The following PLCXD2 variants were observed in gnomAD, a reference collection of about 807,000 sequenced individuals.
PLCXD2 encodes the protein phosphatidylinositol specific phospholipase C X domain containing 2, also known as PI-PLC X domain-containing protein 2.
Under a neutral mutation model 28.6 loss-of-function variants are expected in PLCXD2, and 21 were observed. That is an observed-to-expected ratio of 0.73 (90% confidence interval 0.52 to 1.06). PLCXD2 has a LOEUF of 1.06. Among genes scored for constraint, PLCXD2 ranks in the 50% least tolerant of loss-of-function variants. PLCXD2 has a pLI of 0.00. For synonymous variants in PLCXD2, 140 were observed against 150.1 expected (o/e 0.93, Z 0.49); for missense variants, 369 against 376.7 (o/e 0.98, Z 0.17).
At chr3:111,709,454 ATG>A (rs1265077662) in intron 2 of PLCXD2, among the ~76,000 whole-genome samples, 2 of 134,928 alleles carry the variant, frequency 1.5e-5, no homozygotes, top group African/African-American at 6.8e-5. Flanking sequence ...CTCTCCATAT[ATG>A]TGTGTGTATA....
intron 1 of PLCXD2, among the ~76,000 whole-genome samples, chr3:111,706,218 A>G (rs1941116181): frequency 1.3e-5 from 2 of 152,078 alleles, no homozygotes; most frequent in African/African-American, 4.8e-5. Flanking sequence ...TAATTTGATT[A>G]TTTAGTTTTT....
At chr3:111,692,043 T>A (rs1940885049) in intron 1 of PLCXD2, among the ~76,000 whole-genome samples, 1 of 152,204 alleles carries the variant, frequency 6.6e-6, no homozygotes, top group South Asian at 2.1e-4. Flanking sequence ...GTCTTCAGGT[T>A]CCTTTTTTAT....
At chr3:111,705,043 CTGACCTGAAG>C in intron 1 of PLCXD2, among the ~76,000 whole-genome samples, 1 of 152,128 alleles carries the variant, frequency 6.6e-6, no homozygotes, top group Non-Finnish European at 1.5e-5. Context: ...TCTCAAACTC[CTGACCTGAAG>C]TGATCTGCCC....
Position 111,675,080 on chromosome 3 carries a change from G to T in PLCXD2, c.-166G>T, listed in dbSNP as rs138103016. ...GCCGGAGAGAGTGGGGACTGTGAGTGCTAGTGGGTAAGGATCCATCTGTTT... is the reference window on the plus strand; with the variant it reads ...GCCGGAGAGAGTGGGGACTGTGAGTTCTAGTGGGTAAGGATCCATCTGTTT... On this transcript the variant is annotated 5_prime_UTR_variant, in exon 1 of 5. Coordinates refer to ENST00000477665, the MANE Select transcript of PLCXD2 (RefSeq NM_001185106.1). The T allele has an allele frequency of 4.3e-6, 3 of 693,344 alleles. No individual in the cohort carries two copies. Among genetic ancestry groups the T allele is most frequent in the Non-Finnish European group, 7.3e-6 (3 of 412,740 alleles). The allele number at this position is 693,344 out of a possible 1,614,324, so 42.9% of individuals were successfully genotyped here. A position where few individuals can be genotyped will look rare whatever the true frequency, so the allele number is the denominator to read the frequency against.
chr3:111,715,414 T>C (rs1039264575), intron 3 of PLCXD2, among the ~76,000 whole-genome samples: 1 of 152,214 alleles, frequency 6.6e-6, no homozygotes, highest in Admixed American at 6.5e-5. Flanking sequence ...AGGTGAATAT[T>C]ATACTGTCTG....
chr3:111,680,740 A>T (rs1940701458), intron 1 of PLCXD2, among the ~76,000 whole-genome samples: 1 of 152,178 alleles, frequency 6.6e-6, no homozygotes, highest in Non-Finnish European at 1.5e-5. Context: ...CAACAGCCAG[A>T]CTATCTGGAT....
At position 111,674,745 on chromosome 3, in the gene PLCXD2, T is replaced by G. The variant is rs563880202; in HGVS notation, c.-501T>G. The G allele has an allele frequency of 6.5e-6, 1 of 153,448 alleles. No individual in the cohort carries two copies. Among genetic ancestry groups the G allele is most frequent in the Admixed American group, 6.5e-5 (1 of 15,298 alleles). 9.5% of individuals were successfully genotyped at this position (153,448 alleles called of 1,614,324 possible). A position where few individuals can be genotyped will look rare whatever the true frequency, so the allele number is the denominator to read the frequency against. ...AGGAAGCCACAGGGCAGGGGGCGTC[T>G]GTGCAGAGAAGCGGGGGAGTGAGTA... On this transcript the variant is annotated 5_prime_UTR_variant, in exon 1 of 5. Transcript: ENST00000477665.
chr3:111,691,111 A>G (rs1940870583), intron 1 of PLCXD2, among the ~76,000 whole-genome samples: 2 of 152,236 alleles, frequency 1.3e-5, no homozygotes, highest in Non-Finnish European at 2.9e-5. Context: ...TCTCAGCCAA[A>G]AAGCAATAAA....
At chr3:111,693,111 A>G (rs938965953) in intron 1 of PLCXD2, among the ~76,000 whole-genome samples, 1 of 152,188 alleles carries the variant, frequency 6.6e-6, no homozygotes, top group African/African-American at 2.4e-5. Flanking sequence ...GGCCTCTGTT[A>G]TCTAAATACT....
chr3:111,712,711 C>T (rs1941216732), intron 2 of PLCXD2, among the ~76,000 whole-genome samples: 2 of 152,164 alleles, frequency 1.3e-5, no homozygotes, highest in Non-Finnish European at 2.9e-5. Context: ...TTCTTGGGTG[C>T]CCGGGAGGAT....
chr3:111,703,207 G>C (rs998647441), intron 1 of PLCXD2, among the ~76,000 whole-genome samples: 2 of 152,200 alleles, frequency 1.3e-5, no homozygotes, highest in African/African-American at 4.8e-5. Flanking sequence ...CTGTAAAGGG[G>C]GTTGGAGGGA....
intron 2 of PLCXD2, among the ~76,000 whole-genome samples, chr3:111,712,803 T>C (rs1231493935): frequency 6.6e-6 from 1 of 152,206 alleles, no homozygotes; most frequent in Non-Finnish European, 1.5e-5. Context: ...AAAAGATTAC[T>C]AGTGCCTGGG....
At chr3:111,718,641 G>C (rs1021849578) in intron 3 of PLCXD2, among the ~76,000 whole-genome samples, 1 of 152,128 alleles carries the variant, frequency 6.6e-6, no homozygotes, top group Non-Finnish European at 1.5e-5. Flanking sequence ...AAAAGAAAGA[G>C]GAGAAGGACA....
At chr3:111,725,636 A>G (rs1230222188) in intron 3 of PLCXD2, 1 of 398,488 alleles carries the variant, frequency 2.5e-6, no homozygotes, top group African/African-American at 2.1e-5. Flanking sequence ...ACACTATACA[A>G]ATAATTCAAG....
chr3:111,714,249 C>A, intron 3 of PLCXD2, 121 bp downstream of exon 3: 1 of 1,306,310 alleles, frequency 7.7e-7, no homozygotes, highest in Non-Finnish European at 1.0e-6. Flanking sequence ...ACAAAACAAG[C>A]AAAAAACTTT....
At chr3:111,706,408 C>A (rs915015993) in intron 1 of PLCXD2, among the ~76,000 whole-genome samples, 5 of 152,044 alleles carry the variant, frequency 3.3e-5, no homozygotes, top group African/African-American at 1.2e-4. Context: ...TTTTTGTTGC[C>A]TATGTGTTTG....
chr3:111,704,525 G>A (rs1226435449), intron 1 of PLCXD2, among the ~76,000 whole-genome samples: 2 of 152,060 alleles, frequency 1.3e-5, no homozygotes, highest in Admixed American at 1.3e-4. Context: ...CTCTGTCTAG[G>A]GGGATTCATG....
At chr3:111,719,881 A>G (rs1941322425) in intron 3 of PLCXD2, among the ~76,000 whole-genome samples, 1 of 152,210 alleles carries the variant, frequency 6.6e-6, no homozygotes, top group Non-Finnish European at 1.5e-5. Flanking sequence ...TGTGAATTTT[A>G]TTGAGCGTAA....
intron 1 of PLCXD2, among the ~76,000 whole-genome samples, chr3:111,706,174 G>C (rs1941115661): frequency 6.6e-6 from 1 of 152,100 alleles, no homozygotes; most frequent in South Asian, 2.1e-4. Flanking sequence ...TCTTCTTTCT[G>C]AGAAATGTCT....
Sources: gnomAD v4.1 joint callset for allele counts (sites outside exome capture counted in the v4.1 genomes callset) on GRCh38, gnomAD v4.1.1 for gene constraint, MANE v1.5 for transcripts, NCBI Gene and HGNC (gene_info 2026-07-23, HGNC 2026-07-21) for gene names.